SRSF6: variants seen among roughly 807,000 people sequenced by gnomAD.
SRSF6 encodes the protein serine and arginine rich splicing factor 6, also known as serine/arginine-rich splicing factor 6.
A neutral mutation model predicts 42.0 loss-of-function variants in SRSF6; 17 were observed. That is an observed-to-expected ratio of 0.40 (90% CI 0.28 to 0.61). The LOEUF is 0.61. SRSF6 is among the 20% of genes least tolerant of loss of function. The pLI, the probability that SRSF6 is intolerant of heterozygous loss-of-function variation, is 0.37. For missense variants in SRSF6, 379 were observed against 471.4 expected, an observed-to-expected ratio of 0.80 and a Z score of 1.81; for synonymous variants, 204 against 166.7, an observed-to-expected ratio of 1.22 and a Z score of -1.72.
chr20:43,461,249 T>C lies in SRSF6; in HGVS notation c.*186T>C. On this transcript the variant is annotated 3_prime_UTR_variant, in exon 6 of 6. Transcript: ENST00000244020. ...TAAGGAAATGGTGGCATGAAGACCC[T>C]CTCCCTTCTTTGTAGAATTAAGATA... 1.6e-6 allele frequency: 1 copy of C among 637,654 alleles called. No homozygotes were observed. Among genetic ancestry groups the C allele is most frequent in the Non-Finnish European group, 2.3e-6 (1 of 444,180 alleles). The allele number at this position is 637,654 out of a possible 1,614,324, so 39.5% of individuals were successfully genotyped here. A position where few individuals can be genotyped will look rare whatever the true frequency, so the allele number is the denominator to read the frequency against.
intron 2 of SRSF6, chr20:43,459,564 T>G (rs544851381): frequency 3.2e-6 from 4 of 1,267,890 alleles, no homozygotes; most frequent in East Asian, 2.7e-5. Context: ...CTCTAACAGA[T>G]TGTAGGAGAG....
At position 43,464,241 on chromosome 20, in the gene SRSF6, C is replaced by A. The variant is rs1411082488; in HGVS notation, c.*3178C>A. 1.3e-5 allele frequency: 2 copies of A among 152,152 alleles called. No homozygotes were observed. Among genetic ancestry groups the A allele is most frequent in the Non-Finnish European group, 2.9e-5 (2 of 68,022 alleles). The allele number at this position is 152,152 out of a possible 1,614,324, so 9.4% of individuals were successfully genotyped here. ...TACACAATAAAACTTAGAGTTCTTGCAATAGAGCACCTAGTGTAGTAATTA... is the reference window on the plus strand; with the variant it reads ...TACACAATAAAACTTAGAGTTCTTGAAATAGAGCACCTAGTGTAGTAATTA... On this transcript the variant is annotated 3_prime_UTR_variant, in exon 6 of 6. Transcript: ENST00000244020.
Position 43,458,471 on chromosome 20 carries a change from C to T in SRSF6, c.218C>T (p.Pro73Leu). Residue 73 changes from proline to leucine, a missense_variant, in exon 2 of 6, where the codon CCG becomes CTG. This residue lies in a region of SRSF6 where 117 missense variants were observed against 146.8 expected (regional missense o/e 0.80). Transcript: ENST00000244020. Reference protein sequence around the residue: ...ERVIVEHARGPRRDRDGYSYG... With the variant: ...ERVIVEHARGLRRDRDGYSYG... ...GTGATCGTAGAGCACGCCCGGGGCC[C>T]GCGTCGCGATCGCGACGGCTACAGC... 1 of 1,516,026 alleles carries T rather than the reference C, an allele frequency of 6.6e-7. No individual in the cohort carries two copies. The highest frequency in any genetic ancestry group is 8.8e-7 in the Non-Finnish European group (1 of 1,136,964). The allele number at this position is 1,516,026 out of a possible 1,614,324, so 93.9% of individuals were successfully genotyped here.
chr20:43,458,279 C>T (rs1343337515), intron 1 of SRSF6, 82 bp from the exon 2 acceptor site: 3 of 1,400,818 alleles, frequency 2.1e-6, no homozygotes, highest in Admixed American at 3.5e-5. Flanking sequence ...CGCGGGGGCG[C>T]GCGGTGGGGT....
intron 2 of SRSF6, 52 bp from the exon 3 acceptor site, chr20:43,459,716 CATT>C (rs1274952316): frequency 5.3e-5 from 85 of 1,610,858 alleles, no homozygotes; most frequent in African/African-American, 8.0e-5. Flanking sequence ...CTTTCAAAGA[CATT>C]ATGCGTTTTT....
At position 43,460,887 on chromosome 20, in the gene SRSF6, G is replaced by A. The variant is rs756216686; in HGVS notation, c.859G>A (p.Gly287Ser). Residue 287 changes from glycine (G) to serine (S), a missense_variant, in exon 6 of 6, where the codon GGT becomes AGT. Gly to Ser is a moderately conservative substitution (Grantham distance 56). Around this residue, in one of 3 missense-constraint regions of SRSF6, gnomAD observed 219 missense variants for 216.1 expected, o/e 1.01. Coordinates refer to ENST00000244020, the MANE Select transcript of SRSF6 (RefSeq NM_006275.6). Reference protein sequence around the residue: ...RSRSPKENGKGDIKSKSRSRS... With the variant: ...RSRSPKENGKSDIKSKSRSRS... The stretch of plus-strand genomic sequence containing the variant: ...CCGATCCCCTAAAGAAAATGGAAAG[G>A]GTGATATAAAGTCAAAATCCAGATC... 5 of 1,614,040 alleles carry A rather than the reference G, an allele frequency of 3.1e-6. No individual in the cohort carries two copies. In the Admixed American group the frequency reaches 8.3e-5, roughly 27 times the overall value.
At position 43,463,203 on chromosome 20, in the gene SRSF6, A is replaced by G. The variant is rs2017634110; in HGVS notation, c.*2140A>G. ...TGCCTGCACCCATAATTTTCTAGTA[A>G]TAGCCACGACCAATTTATTAACAGT... is the stretch of plus-strand genomic sequence containing the variant. On this transcript the variant is annotated 3_prime_UTR_variant, in exon 6 of 6. Coordinates refer to ENST00000244020, the MANE Select transcript of SRSF6 (RefSeq NM_006275.6). 1 of 154,718 alleles carries G rather than the reference A, an allele frequency of 6.5e-6. No homozygotes were observed. Among genetic ancestry groups the G allele is most frequent in the South Asian group, 2.0e-4 (1 of 4,924 alleles). The allele number at this position is 154,718 out of a possible 1,614,324, so 9.6% of individuals were successfully genotyped here.
At position 43,462,802 on chromosome 20, in the gene SRSF6, T is replaced by A. The variant is rs753734821; in HGVS notation, c.*1739T>A. 6.6e-6 allele frequency: 1 copy of A among 152,550 alleles called. No homozygotes were observed. Among genetic ancestry groups the A allele is most frequent in the Non-Finnish European group, 1.5e-5 (1 of 68,038 alleles). The allele number at this position is 152,550 out of a possible 1,614,324, so 9.4% of individuals were successfully genotyped here. A position where few individuals can be genotyped will look rare whatever the true frequency, so the allele number is the denominator to read the frequency against. The stretch of plus-strand genomic sequence containing the variant: ...GGCGGATGCTTCTTCCATTATCTTA[T>A]TTTCTTTGATACTTTATTTAATTAG... On this transcript the variant is annotated 3_prime_UTR_variant, in exon 6 of 6. Coordinates refer to ENST00000244020, the MANE Select transcript of SRSF6 (RefSeq NM_006275.6).
Position 43,462,265 on chromosome 20 carries a change from CCAAATTTGAATACTG to C in SRSF6, c.*1211_*1225del, listed in dbSNP as rs2017615278. On this transcript the variant is annotated 3_prime_UTR_variant, in exon 6 of 6. Transcript: ENST00000244020. Reference sequence around the variant, plus strand: ...TAAAGTGTAATGAGTACTGTGGAAACCAAATTTGAATACTGCAAATTTGTAGGAGTTACTAGGTTA... The same window carrying C: ...TAAAGTGTAATGAGTACTGTGGAAACCAAATTTGTAGGAGTTACTAGGTTA... 1 of 152,060 alleles carries C rather than the reference CCAAATTTGAATACTG, an allele frequency of 6.6e-6. No individual in the cohort carries two copies. 9.4% of individuals were successfully genotyped at this position (152,060 alleles called of 1,614,324 possible).
chr20:43,458,610 C>A, intron 2 of SRSF6, 101 bp downstream of exon 2: 2 of 1,236,568 alleles, frequency 1.6e-6, no homozygotes, highest in South Asian at 3.5e-5. Flanking sequence ...GGCCGGGGGT[C>A]GTTTGACTTG....
chr20:43,460,520 G>A lies in SRSF6; in HGVS notation c.596G>A (p.Arg199Gln), dbSNP rs144902850. ...RSYSGSRSRSRSRRRSRSRSR... is the reference protein window; with the variant it reads ...RSYSGSRSRSQSRRRSRSRSR... ...CATTGTTTTTCTCCTAATAGGTCTC[G>A]ATCTAGAAGACGGTCACGAAGTAGG... is the stretch of plus-strand genomic sequence containing the variant. Residue 199 changes from arginine to glutamine, a missense_variant, in exon 5 of 6, where the codon CGA (arginine) becomes CAA (glutamine). By Grantham distance (43) the Arg-to-Gln change is conservative. Transcript: ENST00000244020. 13 of 1,612,986 alleles carry A rather than the reference G, an allele frequency of 8.1e-6. No homozygotes were observed. Among genetic ancestry groups the A allele is most frequent in the Middle Eastern group, 1.7e-4 (1 of 5,956 alleles).
rs1251258500 is a variant in SRSF6, at chr20:43,460,072, G to A, written c.421G>A (p.Ala141Thr). The A allele has an allele frequency of 1.2e-6, 2 of 1,614,230 alleles. No homozygotes were observed. The highest frequency in any genetic ancestry group is 1.1e-5 in the South Asian group (1 of 91,082). Residue 141 changes from alanine (A) to threonine (T), a missense_variant, in exon 4 of 6, where the codon GCC (alanine) becomes ACC (threonine). By Grantham distance (58) the Ala-to-Thr change is moderately conservative. Transcript: ENST00000244020. ...RQAGEVTYAD[A>T]HKERTNEGVI... ...AGCAGGTGAAGTAACCTATGCGGATGCCCACAAGGAACGAACAAATGAGGG... is the reference window on the plus strand; with the variant it reads ...AGCAGGTGAAGTAACCTATGCGGATACCCACAAGGAACGAACAAATGAGGG...
rs755148422 is a variant in SRSF6, at chr20:43,458,487, C to A, written c.234C>A (p.Asp78Glu). Residue 78 changes from aspartate (D) to glutamate (E), a missense_variant, in exon 2 of 6, where the codon GAC becomes GAA. Around this residue, in one of 3 missense-constraint regions of SRSF6, gnomAD observed 117 missense variants for 146.8 expected, o/e 0.80. Coordinates refer to ENST00000244020, the MANE Select transcript of SRSF6 (RefSeq NM_006275.6). The stretch of plus-strand genomic sequence containing the variant: ...CCCGGGGCCCGCGTCGCGATCGCGA[C>A]GGCTACAGCTACGGAAGCCGCAGTG... ...EHARGPRRDR[D>E]GYSYGSRSGG... The A allele has an allele frequency of 6.6e-7, 1 of 1,509,604 alleles. No individual in the cohort carries two copies. The highest frequency in any genetic ancestry group is 8.8e-7 in the Non-Finnish European group (1 of 1,134,628). The allele number at this position is 1,509,604 out of a possible 1,614,324, so 93.5% of individuals were successfully genotyped here.
At position 43,458,519 on chromosome 20, in the gene SRSF6, AC is replaced by A. The variant is rs2017536337; in HGVS notation, c.256+15del. The A allele has an allele frequency of 5.4e-6, 8 of 1,482,704 alleles. No individual in the cohort carries two copies. In the Admixed American group the frequency reaches 9.6e-5, roughly 18 times the overall value. 91.8% of individuals were successfully genotyped at this position (1,482,704 alleles called of 1,614,324 possible). ...AGCTACGGAAGCCGCAGTGAGTCCC[AC>A]CCCCGCGCGCTCCGCGCCCTTGGGG... On this transcript the variant is annotated intron_variant, in intron 2 of 5. Transcript: ENST00000244020.
rs986280860 is a variant in SRSF6 at position 43,462,345 on chromosome 20, T to C, written c.*1282T>C. On this transcript the variant is annotated 3_prime_UTR_variant, in exon 6 of 6. Transcript: ENST00000244020. ...CATCCATAAGCCTGATGAGTTGAAA[T>C]TGCAGTTTGAGAAGTGAATTAACCT... is the stretch of plus-strand genomic sequence containing the variant. 46 of 152,204 alleles carry C rather than the reference T, an allele frequency of 3.0e-4. No homozygotes were observed. Among genetic ancestry groups the C allele is most frequent in the African/African-American group, 1.1e-3 (44 of 41,452 alleles). 9.4% of individuals were successfully genotyped at this position (152,204 alleles called of 1,614,324 possible). A position where few individuals can be genotyped will look rare whatever the true frequency, so the allele number is the denominator to read the frequency against.
intron 1 of SRSF6, 56 bp downstream of exon 1, chr20:43,458,196 C>G: frequency 7.0e-6 from 11 of 1,572,488 alleles, no homozygotes; most frequent in Non-Finnish European, 9.5e-6. Context: ...GCGGCGGGAA[C>G]TCTCCAAGGA....
At position 43,460,738 on chromosome 20, in the gene SRSF6, G is replaced by T. The variant is rs770022409; in HGVS notation, c.710G>T (p.Arg237Leu). 1.9e-6 allele frequency: 3 copies of T among 1,613,836 alleles called. No homozygotes were observed. The highest frequency in any genetic ancestry group is 1.7e-4 in the Middle Eastern group (1 of 6,056). ...RSRSKGRSRS[R>L]SKGRKSRSKS... ...CGGAGCAAAGGTCGATCACGTTCTC[G>T]ATCAAAAGGCAGGAAATCTAGATCA... Residue 237 changes from arginine (R) to leucine (L), a missense_variant, in exon 6 of 6, where the codon CGA becomes CTA. Physicochemically the swap from Arg to Leu is moderately radical, Grantham distance 102. Around this residue, in one of 3 missense-constraint regions of SRSF6, gnomAD observed 219 missense variants for 216.1 expected, o/e 1.01. Coordinates refer to ENST00000244020, the MANE Select transcript of SRSF6 (RefSeq NM_006275.6).
Position 43,462,119 on chromosome 20 carries a change from T to C in SRSF6, c.*1056T>C, listed in dbSNP as rs1292815418. On this transcript the variant is annotated 3_prime_UTR_variant, in exon 6 of 6. Transcript: ENST00000244020. ...GTTCCACCCAGTAGTCAGTCCCCTT[T>C]GTAGTTAGTGGGATTATTTGATAAT... 1 of 152,222 alleles carries C rather than the reference T, an allele frequency of 6.6e-6. No individual in the cohort carries two copies. Among genetic ancestry groups the C allele is most frequent in the African/African-American group, 2.4e-5 (1 of 41,458 alleles). 9.4% of individuals were successfully genotyped at this position (152,222 alleles called of 1,614,324 possible).
In SRSF6 at chr20:43,462,869, C is replaced by T. The variant is rs2017626866; in HGVS notation, c.*1806C>T. The T allele has an allele frequency of 1.3e-5, 2 of 152,544 alleles. No individual in the cohort carries two copies. Among genetic ancestry groups the T allele is most frequent in the South Asian group, 4.1e-4 (2 of 4,822 alleles). 9.4% of individuals were successfully genotyped at this position (152,544 alleles called of 1,614,324 possible). On this transcript the variant is annotated 3_prime_UTR_variant, in exon 6 of 6. Transcript: ENST00000244020. ...GGGTTTATTTTTCCAGCATAAACCTCAGAATTTAAGGAAAGAAAATGATGT... is the reference window on the plus strand; with the variant it reads ...GGGTTTATTTTTCCAGCATAAACCTTAGAATTTAAGGAAAGAAAATGATGT...
Sources: gnomAD v4.1 joint callset for allele counts on GRCh38, gnomAD v4.1.1 for gene constraint, gnomAD v4.1.1 regional missense constraint, MANE v1.5 for transcripts, NCBI Gene and HGNC (gene_info 2026-07-23, HGNC 2026-07-21) for gene names.